SOS1: variants seen among roughly 807,000 people sequenced by gnomAD.
SOS1 encodes SOS Ras/Rac guanine nucleotide exchange factor 1.
SOS1 carries 25 observed loss-of-function variants against 157.6 expected under a neutral mutation model. That is an observed-to-expected ratio of 0.16 (90% confidence interval 0.12 to 0.22). The LOEUF (loss-of-function observed/expected upper bound fraction) is 0.22. Ranked by LOEUF, SOS1 falls within the 10% of genes least tolerant of loss-of-function variation. SOS1 has a pLI of 1.00. For missense variants in SOS1, 1,237 were observed against 1,599.1 expected (o/e 0.77, Z 3.86); for synonymous variants, 528 against 534.0 (o/e 0.99, Z 0.16).
chr2:38,987,242 A>G (rs1446551294), intron 22 of SOS1, among the ~76,000 whole-genome samples: 2 of 152,164 alleles, frequency 1.3e-5, no homozygotes, highest in Non-Finnish European at 2.9e-5. Context: ...TTTTTTTCTG[A>G]AAATAACCAT....
chr2:39,117,322 C>T (rs1342093553), intron 1 of SOS1, among the ~76,000 whole-genome samples: 1 of 152,148 alleles, frequency 6.6e-6, no homozygotes, highest in Admixed American at 6.6e-5. Context: ...CCACTGCGCC[C>T]GGCCCTGTCA....
At chr2:39,065,029 A>T (rs1671548102) in intron 2 of SOS1, among the ~76,000 whole-genome samples, 2 of 151,710 alleles carry the variant, frequency 1.3e-5, no homozygotes, top group Admixed American at 1.3e-4. Flanking sequence ...AAGTGCTGGG[A>T]TTACAGGTGT....
At chr2:39,100,841 C>T (rs770838950) in intron 1 of SOS1, among the ~76,000 whole-genome samples, 1 of 152,100 alleles carries the variant, frequency 6.6e-6, no homozygotes, top group Non-Finnish European at 1.5e-5. Context: ...ATCACTTAAG[C>T]CCAGGAGGGG....
intron 1 of SOS1, among the ~76,000 whole-genome samples, chr2:39,103,651 T>C (rs1673057080): frequency 6.6e-6 from 1 of 152,030 alleles, no homozygotes; most frequent in Non-Finnish European, 1.5e-5. Flanking sequence ...TGAAAATATA[T>C]CAATGACCTA....
intron 17 of SOS1, among the ~76,000 whole-genome samples, chr2:39,004,803 C>G (rs1359245934): frequency 6.6e-6 from 1 of 151,078 alleles, no homozygotes; most frequent in Non-Finnish European, 1.5e-5. Flanking sequence ...AAAATCTCCA[C>G]AGTAATCAAA....
rs563353764 is a variant in SOS1, at chr2:39,099,511, GTGCAATAGT to G, written c.87+20816_87+20824del. ...TGATGAAAATGATTTATAATTGATT[GTGCAATAGT>G]TGCACAGCTCTGTAAATATACTAAA... On this transcript the variant is annotated intron_variant, in intron 1 of 22. Coordinates refer to ENST00000402219, the MANE Select transcript of SOS1 (RefSeq NM_005633.4). Among the ~76,000 whole-genome samples, 20 of 152,312 alleles carry G rather than the reference GTGCAATAGT, an allele frequency of 1.3e-4. No individual in the cohort carries two copies. In the East Asian group the frequency reaches 3.5e-3, roughly 26 times the overall value.
rs1345058035 is a variant in SOS1, at chr2:39,058,682, A to T, written c.336T>A (p.Pro112=). The T allele has an allele frequency of 1.2e-6, 2 of 1,612,910 alleles. No individual in the cohort carries two copies. The highest frequency in any genetic ancestry group is 1.7e-6 in the Non-Finnish European group (2 of 1,179,186). The change falls in exon 3 of 23, where the codon CCT becomes CCA. Residue 112 remains proline, a synonymous_variant. Coordinates refer to ENST00000402219, the MANE Select transcript of SOS1 (RefSeq NM_005633.4). ...PLSLPVEKIH[P]LLKEVLGYKI... The stretch of plus-strand genomic sequence containing the variant: ...AGTAGTTCAGCATTACCTTTAATAA[A>T]GGATGAATTTTTTCTACTGGGAGAG...
intron 21 of SOS1, 48 bp from the exon 22 acceptor site, chr2:38,987,639 CATTT>C (rs768069895): frequency 1.9e-5 from 17 of 894,044 alleles, no homozygotes; most frequent in Non-Finnish European, 3.0e-5. Context: ...AATTTTATTT[CATTT>C]ATTTACCTTG....
intron 1 of SOS1, among the ~76,000 whole-genome samples, chr2:39,068,734 A>G (rs1300352528): frequency 6.6e-6 from 1 of 151,712 alleles, no homozygotes; most frequent in African/African-American, 2.4e-5. Flanking sequence ...AAGAGTCCAC[A>G]CTGGAAAGAA....
intron 14 of SOS1, among the ~76,000 whole-genome samples, chr2:39,011,149 G>T (rs1352017426): frequency 6.6e-6 from 1 of 152,014 alleles, no homozygotes; most frequent in Non-Finnish European, 1.5e-5. Context: ...CACCCGCCTT[G>T]GCCTCCCAAA....
intron 1 of SOS1, among the ~76,000 whole-genome samples, chr2:39,100,356 A>G (rs1332710900): frequency 6.6e-6 from 1 of 152,252 alleles, no homozygotes; most frequent in Non-Finnish European, 1.5e-5. Flanking sequence ...TATCTGTGCT[A>G]CTGTGTTCAT....
intron 5 of SOS1, among the ~76,000 whole-genome samples, chr2:39,052,137 C>T (rs921661146): frequency 2.0e-5 from 3 of 152,158 alleles, no homozygotes; most frequent in African/African-American, 7.2e-5. Context: ...CTATTCTGGA[C>T]TTTCCATATA....
intron 2 of SOS1, among the ~76,000 whole-genome samples, chr2:39,063,375 A>G (rs922330713): frequency 6.6e-6 from 1 of 152,198 alleles, no homozygotes; most frequent in Admixed American, 6.5e-5. Flanking sequence ...TGCAAATACT[A>G]TGCCATTTAA....
intron 10 of SOS1, among the ~76,000 whole-genome samples, chr2:39,019,598 A>G (rs1465448871): frequency 6.6e-6 from 1 of 151,734 alleles, no homozygotes; most frequent in East Asian, 1.9e-4. Context: ...TATAAATTAG[A>G]TTCCACCTAA....
chr2:39,013,345 T>C (rs1669528121), intron 13 of SOS1, 115 bp downstream of exon 13: 1 of 751,480 alleles, frequency 1.3e-6, no homozygotes, highest in Non-Finnish European at 2.4e-6. Context: ...GAAATGGTTA[T>C]GCTGGTACTA....
chr2:39,017,886 C>T (rs1669677986), intron 10 of SOS1, among the ~76,000 whole-genome samples: 1 of 151,810 alleles, frequency 6.6e-6, no homozygotes, highest in Admixed American at 6.6e-5. Flanking sequence ...ATGTCGCTAA[C>T]CACTGGAGAC....
chr2:39,084,661 C>T (rs936447649), intron 1 of SOS1, among the ~76,000 whole-genome samples: 46 of 152,060 alleles, frequency 3.0e-4, no homozygotes, highest in Admixed American at 4.6e-4. Flanking sequence ...ATGTGGTTTA[C>T]GCCAGTGTAT....
At chr2:39,097,229 T>C (rs1672802617) in intron 1 of SOS1, among the ~76,000 whole-genome samples, 1 of 152,236 alleles carries the variant, frequency 6.6e-6, no homozygotes. Context: ...TAACACTTTA[T>C]ATATACAAAT....
intron 10 of SOS1, among the ~76,000 whole-genome samples, chr2:39,020,532 C>T (rs565641424): frequency 8.6e-5 from 13 of 151,700 alleles, no homozygotes; most frequent in African/African-American, 2.4e-4. Flanking sequence ...AACATACCTA[C>T]TAACCAAATC....
Sources: allele counts gnomAD v4.1 joint callset (sites outside exome capture counted in the v4.1 genomes callset), GRCh38; gene constraint gnomAD v4.1.1; transcripts MANE v1.5; gene names NCBI Gene and HGNC (gene_info 2026-07-23, HGNC 2026-07-21).